UTRN: variants seen among roughly 807,000 people sequenced by gnomAD.
The protein encoded by UTRN is utrophin.
A neutral mutation model predicts 463.9 loss-of-function variants in UTRN; 283 were observed. The ratio of observed to expected loss-of-function variants is 0.61; its 90% CI spans 0.55 to 0.67. UTRN has a LOEUF of 0.67. UTRN is among the 30% of genes least tolerant of loss of function. UTRN has a pLI of 0.00. For synonymous variants in UTRN, 1,442 were observed against 1,431.5 expected (o/e 1.01, Z -0.17); for missense variants, 3,922 against 4,084.3 (o/e 0.96, Z 1.08).
intron 23 of UTRN, among the ~76,000 whole-genome samples, chr6:144,465,971 AC>A: frequency 6.6e-6 from 1 of 152,366 alleles, no homozygotes; most frequent in East Asian, 1.9e-4. Context: ...GAAATTGAAT[AC>A]CACAGAAATA....
chr6:144,768,267 T>C (rs1220187416), intron 58 of UTRN, among the ~76,000 whole-genome samples: 1 of 150,620 alleles, frequency 6.6e-6, no homozygotes, highest in African/African-American at 2.5e-5. Flanking sequence ...AATAGATAGG[T>C]GGAAGGATAT....
intron 2 of UTRN, among the ~76,000 whole-genome samples, chr6:144,380,533 C>T (rs560792851): frequency 5.9e-5 from 9 of 152,210 alleles, no homozygotes; most frequent in South Asian, 2.1e-4. Context: ...TTGAGGGGCC[C>T]GGCATATTGG....
chr6:144,550,402 C>T (rs1798797709), intron 47 of UTRN, among the ~76,000 whole-genome samples: 1 of 152,154 alleles, frequency 6.6e-6, no homozygotes, highest in Non-Finnish European at 1.5e-5. Context: ...ACTGAAAACA[C>T]ATGATTTTCC....
intron 2 of UTRN, among the ~76,000 whole-genome samples, chr6:144,383,968 G>C (rs1215309085): frequency 1.3e-5 from 2 of 152,084 alleles, no homozygotes; most frequent in Non-Finnish European, 2.9e-5. Flanking sequence ...GAAAAGTTGA[G>C]ATAAATTAAT....
At chr6:144,630,919 TA>T in intron 51 of UTRN, among the ~76,000 whole-genome samples, 1 of 151,844 alleles carries the variant, frequency 6.6e-6, no homozygotes, top group East Asian at 1.9e-4. Context: ...CATCTGCATG[TA>T]AAAAAAAGAA....
intron 43 of UTRN, among the ~76,000 whole-genome samples, chr6:144,534,905 A>G (rs141747421): frequency 1.8e-3 from 268 of 152,288 alleles, no homozygotes; most frequent in African/African-American, 6.0e-3. Context: ...AAGAAGTAAA[A>G]CAGCAGAGGT....
intron 2 of UTRN, among the ~76,000 whole-genome samples, chr6:144,388,100 A>C (rs768130164): frequency 1.3e-5 from 2 of 152,248 alleles, no homozygotes; most frequent in Non-Finnish European, 2.9e-5. Flanking sequence ...ATGGCTAACA[A>C]ATAATAGAAT....
chr6:144,697,384 T>G (rs900857615), intron 52 of UTRN, among the ~76,000 whole-genome samples: 1 of 152,184 alleles, frequency 6.6e-6, no homozygotes, highest in Non-Finnish European at 1.5e-5. Flanking sequence ...TATAGGATAA[T>G]TGAGAAAGTA....
chr6:144,349,640 C>G (rs1276248965), intron 2 of UTRN, among the ~76,000 whole-genome samples: 3 of 152,112 alleles, frequency 2.0e-5, no homozygotes, highest in Non-Finnish European at 2.9e-5. Context: ...CATCATGGTA[C>G]TTGAAATATA....
chr6:144,703,187 T>C (rs938462900), intron 53 of UTRN, among the ~76,000 whole-genome samples: 1 of 152,108 alleles, frequency 6.6e-6, no homozygotes. Context: ...GCCAAAGATG[T>C]CAGAAGTCAA....
chr6:144,338,008 T>C (rs910662371), intron 2 of UTRN, among the ~76,000 whole-genome samples: 1 of 152,232 alleles, frequency 6.6e-6, no homozygotes, highest in African/African-American at 2.4e-5. Context: ...ATCCCATTAG[T>C]ATACTCATAT....
chr6:144,336,787 C>T (rs930193858), intron 2 of UTRN, among the ~76,000 whole-genome samples: 17 of 151,858 alleles, frequency 1.1e-4, no homozygotes, highest in African/African-American at 3.4e-4. Context: ...TTATCAATTT[C>T]GTTCACTGTT....
At chr6:144,422,342 C>T (rs1044978178) in intron 4 of UTRN, among the ~76,000 whole-genome samples, 1 of 152,172 alleles carries the variant, frequency 6.6e-6, no homozygotes, top group African/African-American at 2.4e-5. Context: ...TAAGGCTGGG[C>T]GCGGTAGCTC....
chr6:144,480,052 C>T (rs1791683818), intron 26 of UTRN, 70 bp downstream of exon 26: 1 of 1,533,422 alleles, frequency 6.5e-7, no homozygotes, highest in African/African-American at 1.4e-5. Context: ...GCACATCAAT[C>T]ATCTGTCTAT....
chr6:144,406,766 CT>C (rs981124936), intron 3 of UTRN, among the ~76,000 whole-genome samples: 1 of 152,068 alleles, frequency 6.6e-6, no homozygotes, highest in African/African-American at 2.4e-5. Context: ...GCCCATTTTC[CT>C]TTTTTTAAAA....
intron 2 of UTRN, among the ~76,000 whole-genome samples, chr6:144,348,918 G>A (rs956226671): frequency 6.6e-6 from 1 of 151,490 alleles, no homozygotes; most frequent in Non-Finnish European, 1.5e-5. Flanking sequence ...TGGGCAACAA[G>A]AGCGAAACTC....
rs141402476 is a variant in UTRN at position 144,516,364 on chromosome 6, G to A, written c.5380G>A (p.Glu1794Lys). The change falls in exon 38 of 75, where the codon GAA becomes AAA. Residue 1794 changes from glutamate (E) to lysine (K), a missense_variant. By Grantham distance (56) the Glu-to-Lys change is moderately conservative. Coordinates refer to ENST00000367545, the MANE Select transcript of UTRN (RefSeq NM_007124.3). ...GTTAAAATTTGTGGAAAAACACTTGGAATCCAGTGATGAAGATGAAAAGGT... is the reference window on the plus strand; with the variant it reads ...GTTAAAATTTGTGGAAAAACACTTGAAATCCAGTGATGAAGATGAAAAGGT... ...NMLKFVEKHLESSDEDEKMDE... is the reference protein window; with the variant it reads ...NMLKFVEKHLKSSDEDEKMDE... 4 of 1,613,110 alleles carry A rather than the reference G, an allele frequency of 2.5e-6. No individual in the cohort carries two copies. In the African/African-American group the frequency reaches 4.0e-5, roughly 16 times the overall value.
rs9386065 is a variant in UTRN at position 144,347,503 on chromosome 6, G to A, written c.79+55596G>A. Among the ~76,000 whole-genome samples the A allele has an allele frequency of 3.8e-3, 574 of 152,354 alleles. 24 individuals are homozygous for A. The East Asian group carries it at 0.089, about 23-fold the overall frequency. ...TGAATGAATGAATTAGTTCCTTTGA[G>A]TAACAGGAAGTTGGAAGAAGATTGG... On this transcript the variant is annotated intron_variant, in intron 2 of 74. Transcript: ENST00000367545.
At chr6:144,312,166 C>T (rs1806326709) in intron 2 of UTRN, 1 of 152,300 alleles carries the variant, frequency 6.6e-6, no homozygotes, top group East Asian at 1.9e-4. Flanking sequence ...TGGCTCATGC[C>T]TGTAATCCCA....
Sources: allele counts gnomAD v4.1 joint callset (sites outside exome capture counted in the v4.1 genomes callset), GRCh38; gene constraint gnomAD v4.1.1; transcripts MANE v1.5; gene names NCBI Gene and HGNC (gene_info 2026-07-23, HGNC 2026-07-21).